Variants in DRC11 observed in about 807,000 individuals in gnomAD.
DRC11 encodes the protein IQ and AAA domain-containing protein 1.
At chr2:236,357,687 A>G in the DRC11 span, among the ~76,000 whole-genome samples, 1 of 125,596 alleles carries the variant, frequency 8.0e-6, no homozygotes, top group African/African-American at 3.2e-5. Flanking sequence ...TATTTACAAT[A>G]TGTAAATATC....
At chr2:236,432,054 T>C in the DRC11 span, among the ~76,000 whole-genome samples, 2 of 152,204 alleles carry the variant, frequency 1.3e-5, no homozygotes, top group African/African-American at 4.8e-5. Flanking sequence ...ACTAGCAATG[T>C]ATGTGGGTTC....
At chr2:236,347,472 C>T in the DRC11 span, among the ~76,000 whole-genome samples, 1 of 138,370 alleles carries the variant, frequency 7.2e-6, no homozygotes, top group Non-Finnish European at 1.6e-5. Context: ...TGGCACCAAC[C>T]CAAATGCCCA....
chr2:236,382,716 A>G, the DRC11 span, among the ~76,000 whole-genome samples: 1 of 152,108 alleles, frequency 6.6e-6, no homozygotes, highest in Non-Finnish European at 1.5e-5. Context: ...ATCACATTCC[A>G]TTTTAACTTT....
At chr2:236,321,163 TA>T in the DRC11 span, among the ~76,000 whole-genome samples, 3 of 152,178 alleles carry the variant, frequency 2.0e-5, no homozygotes, top group Admixed American at 6.5e-5. Flanking sequence ...TTTATTTATT[TA>T]TTTTTTTTTG....
the DRC11 span, among the ~76,000 whole-genome samples, chr2:236,505,226 G>T: frequency 6.6e-6 from 1 of 152,282 alleles, no homozygotes; most frequent in East Asian, 1.9e-4. Flanking sequence ...TCTACAGCTT[G>T]GCAGTTTTCC....
the DRC11 span, among the ~76,000 whole-genome samples, chr2:236,396,792 C>T: frequency 6.6e-6 from 1 of 152,184 alleles, no homozygotes; most frequent in Non-Finnish European, 1.5e-5. Flanking sequence ...AGGTCAAATT[C>T]AGTTATTACA....
chr2:236,345,100 T>G, the DRC11 span, among the ~76,000 whole-genome samples: 2 of 151,036 alleles, frequency 1.3e-5, no homozygotes, highest in Non-Finnish European at 3.0e-5. Context: ...GAGCCCTGGT[T>G]GTAAACGTGC....
At chr2:236,480,606 T>C in the DRC11 span, among the ~76,000 whole-genome samples, 2 of 152,222 alleles carry the variant, frequency 1.3e-5, no homozygotes, top group African/African-American at 4.8e-5. Flanking sequence ...TAAAAATTTC[T>C]CTGACAAATT....
At chr2:236,507,169 A>AAAGAG in the DRC11 span, 41 of 1,416,908 alleles carry the variant, frequency 2.9e-5, 1 homozygote, top group East Asian at 9.4e-4. Context: ...AAAGAAAAGA[A>AAAGAG]AAAAGAAAAT....
the DRC11 span, among the ~76,000 whole-genome samples, chr2:236,417,237 C>T: frequency 1.2e-3 from 185 of 152,124 alleles, no homozygotes; most frequent in Non-Finnish European, 2.3e-3. Context: ...TTATGTTTAC[C>T]ATTACCCTCT....
the DRC11 span, among the ~76,000 whole-genome samples, chr2:236,406,626 T>C: frequency 6.6e-6 from 1 of 152,288 alleles, no homozygotes; most frequent in African/African-American, 2.4e-5. The surrounding 1 kb of genome is among the most constrained non-coding windows in gnomAD (Gnocchi z 4.7). Flanking sequence ...CTTCTCTAGA[T>C]TCAGAAGTGA....
the DRC11 span, among the ~76,000 whole-genome samples, chr2:236,375,752 C>T: frequency 7.9e-5 from 12 of 152,188 alleles, no homozygotes; most frequent in African/African-American, 2.6e-4. This position sits in a 1 kb window ranked among gnomAD's most constrained non-coding sequence, Gnocchi z 4.2. Flanking sequence ...GACGATAATA[C>T]ATTGAATAAA....
the DRC11 span, among the ~76,000 whole-genome samples, chr2:236,330,671 T>C: frequency 6.6e-6 from 1 of 152,320 alleles, no homozygotes; most frequent in African/African-American, 2.4e-5. The surrounding 1 kb of genome is among the most constrained non-coding windows in gnomAD (Gnocchi z 5.5). Context: ...TGGTCTTCAG[T>C]TGCATGCATA....
the DRC11 span, among the ~76,000 whole-genome samples, chr2:236,358,866 G>T: frequency 6.7e-6 from 1 of 149,124 alleles, no homozygotes; most frequent in African/African-American, 2.5e-5. Context: ...GGCCTCTGGG[G>T]AAGCATCGGC....
At chr2:236,307,092 C>T in the DRC11 span, among the ~76,000 whole-genome samples, 1 of 152,120 alleles carries the variant, frequency 6.6e-6, no homozygotes, top group Non-Finnish European at 1.5e-5. The surrounding 1 kb of genome is among the most constrained non-coding windows in gnomAD (Gnocchi z 7.0). Context: ...TCAGGTCCTT[C>T]CTCCTCATGT....
At chr2:236,341,881 G>C in the DRC11 span, among the ~76,000 whole-genome samples, 1 of 152,210 alleles carries the variant, frequency 6.6e-6, no homozygotes, top group Non-Finnish European at 1.5e-5. Flanking sequence ...TTCCTCTCAG[G>C]GTTGCCGGGA....
At chr2:236,399,282 G>C in the DRC11 span, 2 of 783,206 alleles carry the variant, frequency 2.6e-6, no homozygotes, top group Non-Finnish European at 4.3e-6. The surrounding 1 kb of genome is among the most constrained non-coding windows in gnomAD (Gnocchi z 7.0). Flanking sequence ...AAGCCACCTC[G>C]CCTGGCCAGG....
the DRC11 span, among the ~76,000 whole-genome samples, chr2:236,336,623 G>T: frequency 3.3e-5 from 5 of 152,054 alleles, no homozygotes; most frequent in East Asian, 9.7e-4. The surrounding 1 kb of genome is among the most constrained non-coding windows in gnomAD (Gnocchi z 7.3). Flanking sequence ...CCTATCTCCC[G>T]CCTCCTCAGC....
the DRC11 span, among the ~76,000 whole-genome samples, chr2:236,337,363 C>A: frequency 6.6e-6 from 1 of 152,188 alleles, no homozygotes; most frequent in African/African-American, 2.4e-5. The surrounding 1 kb of genome is among the most constrained non-coding windows in gnomAD (Gnocchi z 4.9). Context: ...CCTCCTCCTG[C>A]CCAGCCCACA....
Sources: gnomAD v4.1 joint callset for allele counts (sites outside exome capture counted in the v4.1 genomes callset) on GRCh38, gnomAD v4.1.1 for gene constraint, Gnocchi (gnomAD v3.1) non-coding constraint, MANE v1.5 for transcripts, NCBI Gene and HGNC (gene_info 2026-07-23, HGNC 2026-07-21) for gene names.